The following HMG20A variants were observed in gnomAD, a reference collection of about 807,000 sequenced individuals.
The protein encoded by HMG20A is high mobility group 20A.
HMG20A carries 17 observed loss-of-function variants against 43.9 expected under a neutral mutation model. The ratio of observed to expected loss-of-function variants is 0.39; its 90% CI spans 0.27 to 0.58. The LOEUF is 0.58. Among genes scored for constraint, HMG20A ranks in the 20% least tolerant of loss-of-function variants. The pLI, the probability that HMG20A is intolerant of heterozygous loss-of-function variation, is 0.59. For missense variants in HMG20A, 341 were observed against 438.2 expected (o/e 0.78, Z 1.98); for synonymous variants, 132 against 147.5 (o/e 0.89, Z 0.76).
At chr15:77,507,240 G>C in the HMG20A span, among the ~76,000 whole-genome samples, 3 of 151,998 alleles carry the variant, frequency 2.0e-5, no homozygotes, top group Non-Finnish European at 4.4e-5. Context: ...AAATCTCTCC[G>C]TGCATCATGT....
intron 1 of HMG20A, among the ~76,000 whole-genome samples, chr15:77,435,179 G>A (rs1299017729): frequency 1.3e-5 from 2 of 152,114 alleles, no homozygotes; most frequent in Non-Finnish European, 2.9e-5. Context: ...CATAAGGTAG[G>A]GGATTTCTGC....
downstream of HMG20A, among the ~76,000 whole-genome samples, chr15:77,488,281 A>G (rs894912419): frequency 6.6e-6 from 1 of 152,166 alleles, no homozygotes; most frequent in African/African-American, 2.4e-5. Flanking sequence ...TTTTATACCA[A>G]CTTCTCTTCA....
the HMG20A span, among the ~76,000 whole-genome samples, chr15:77,491,356 CA>C: frequency 6.6e-6 from 1 of 152,184 alleles, no homozygotes; most frequent in African/African-American, 2.4e-5. Flanking sequence ...TGTAAGACAA[CA>C]ACCTATTTTT....
intron 1 of HMG20A, among the ~76,000 whole-genome samples, chr15:77,431,205 T>TTTTTA (rs879892538): frequency 4.4e-4 from 67 of 152,210 alleles, no homozygotes; most frequent in Non-Finnish European, 8.5e-4. Context: ...GTTTATTTAT[T>TTTTTA]TTTTATTTTA....
At chr15:77,501,505 C>T in the HMG20A span, among the ~76,000 whole-genome samples, 3 of 152,190 alleles carry the variant, frequency 2.0e-5, no homozygotes, top group Non-Finnish European at 2.9e-5. Flanking sequence ...TCCATCTGAG[C>T]CCTGGAAGTA....
Position 77,464,363 on chromosome 15 carries a change from C to A in HMG20A, c.213C>A (p.Gly71=), listed in dbSNP as rs745682274. The change falls in exon 3 of 10, where the codon GGC becomes GGA. Residue 71 remains glycine (G), a synonymous_variant. Transcript: ENST00000336216. ...GTGAGTCTTCAAATGCAGCAGAAGG[C>A]AATGAACAGAGGCATGAAGATGAGG... ...LQSESSNAAE[G]NEQRHEDEQR... is the part of the protein sequence containing the mutation. 6.2e-7 allele frequency: 1 copy of A among 1,613,644 alleles called. No individual in the cohort carries two copies. The highest frequency in any genetic ancestry group is 1.3e-5 in the African/African-American group (1 of 74,996).
At chr15:77,445,594 T>G (rs1225840378) in intron 1 of HMG20A, among the ~76,000 whole-genome samples, 1 of 152,206 alleles carries the variant, frequency 6.6e-6, no homozygotes, top group South Asian at 2.1e-4. Flanking sequence ...TTTGTTAAGT[T>G]GGGAACTTTT....
the HMG20A span, among the ~76,000 whole-genome samples, chr15:77,503,863 T>TG: frequency 4.4e-3 from 664 of 152,282 alleles, 6 homozygotes; most frequent in African/African-American, 0.015. Context: ...TCCCGGTCTC[T>TG]GGATCCCACT....
intron 1 of HMG20A, among the ~76,000 whole-genome samples, chr15:77,442,616 A>G (rs2073624766): frequency 6.6e-6 from 1 of 152,212 alleles, no homozygotes; most frequent in African/African-American, 2.4e-5. Context: ...TCTGCCCTAT[A>G]GTCCTAATTC....
chr15:77,450,151 A>G (rs956594580), intron 1 of HMG20A, among the ~76,000 whole-genome samples: 1 of 151,832 alleles, frequency 6.6e-6, no homozygotes, highest in Non-Finnish European at 1.5e-5. Flanking sequence ...TTTTTTTGAG[A>G]CAGAGTCTTG....
downstream of HMG20A, among the ~76,000 whole-genome samples, chr15:77,488,548 G>C (rs764918993): frequency 3.9e-5 from 6 of 152,056 alleles, no homozygotes; most frequent in Admixed American, 2.0e-4. Flanking sequence ...ATCTGAGTCA[G>C]GGTGGGGGAT....
chr15:77,470,475 A>G (rs1002870745), intron 4 of HMG20A, among the ~76,000 whole-genome samples: 5 of 152,182 alleles, frequency 3.3e-5, no homozygotes, highest in African/African-American at 1.2e-4. Context: ...TCCCCTCAAA[A>G]TGGGCTGGAG....
rs527239712 is a variant in HMG20A, at chr15:77,422,452, C to T, written c.-5+1448C>T. Among the ~76,000 whole-genome samples the T allele has an allele frequency of 2.0e-5, 3 of 152,232 alleles. No homozygotes were observed. The South Asian group carries it at 6.2e-4, about 32-fold the overall frequency. ...CCAGCATGGTGAAACCCCGTCTCTA[C>T]TAAAAATACAAAAATTAGCTGGGCG... On this transcript the variant is annotated intron_variant, in intron 1 of 9. Coordinates refer to ENST00000336216, the MANE Select transcript of HMG20A (RefSeq NM_001304504.2).
the HMG20A span, among the ~76,000 whole-genome samples, chr15:77,499,592 A>G: frequency 6.6e-6 from 1 of 152,052 alleles, no homozygotes; most frequent in Non-Finnish European, 1.5e-5. Context: ...CAACACCTCC[A>G]GGACAGGCCT....
intron 4 of HMG20A, among the ~76,000 whole-genome samples, chr15:77,468,994 C>T (rs1001074624): frequency 2.6e-5 from 4 of 151,784 alleles, no homozygotes; most frequent in Non-Finnish European, 5.9e-5. Context: ...CTGCTTCCCC[C>T]GCTGCTTTTA....
chr15:77,518,816 C>T, the HMG20A span, among the ~76,000 whole-genome samples: 4 of 152,192 alleles, frequency 2.6e-5, no homozygotes, highest in Admixed American at 1.3e-4. Context: ...ACAGGCTGTC[C>T]AAAGGGATTT....
intron 1 of HMG20A, chr15:77,458,132 T>G (rs946237990): frequency 3.6e-6 from 1 of 277,412 alleles, no homozygotes; most frequent in African/African-American, 2.3e-5. Context: ...TTGAAGATAC[T>G]CTGGATAAAT....
chr15:77,467,536 G>A lies in HMG20A; in HGVS notation c.450+229G>A, dbSNP rs1373468175. 3.3e-5 allele frequency among the ~76,000 whole-genome samples: 5 copies of A among 152,240 alleles called. No individual in the cohort carries two copies. In the East Asian group the frequency reaches 7.7e-4, roughly 24 times the overall value. On this transcript the variant is annotated intron_variant, in intron 4 of 9. Coordinates refer to ENST00000336216, the MANE Select transcript of HMG20A (RefSeq NM_001304504.2). ...GAGTCTAGGACTCCCCTCAACCAAAGCAACACCACTTTTTATACGCTGAGT... is the reference window on the plus strand; with the variant it reads ...GAGTCTAGGACTCCCCTCAACCAAAACAACACCACTTTTTATACGCTGAGT...
the HMG20A span, among the ~76,000 whole-genome samples, chr15:77,519,986 G>A: frequency 1.3e-5 from 2 of 152,152 alleles, no homozygotes; most frequent in African/African-American, 4.8e-5. Flanking sequence ...GGATCACAGG[G>A]TCAGGAGATT....
Sources: allele counts gnomAD v4.1 joint callset (sites outside exome capture counted in the v4.1 genomes callset), GRCh38; gene constraint gnomAD v4.1.1; transcripts MANE v1.5; gene names NCBI Gene and HGNC (gene_info 2026-07-23, HGNC 2026-07-21).